RAD51: variants seen among roughly 807,000 people sequenced by gnomAD.
RAD51 encodes the protein RAD51 recombinase, also known as DNA repair protein RAD51 homolog 1.
In RAD51, 14 loss-of-function variants were observed where a neutral mutation model predicts 41.5. The observed-to-expected ratio is 0.34, with a 90% CI of 0.22 to 0.53. The LOEUF (loss-of-function observed/expected upper bound fraction) is 0.53, where lower values mean the gene tolerates loss of function less well. RAD51 is among the 20% of genes least tolerant of loss of function. The probability of loss-of-function intolerance (pLI) is 0.95; values close to 1 mark genes in which losing one functional copy is unlikely to be tolerated. For synonymous variants in RAD51, 136 were observed against 148.6 expected (o/e 0.92, Z 0.62); for missense variants, 234 against 422.0 (o/e 0.55, Z 3.90).
intron 5 of RAD51, among the ~76,000 whole-genome samples, chr15:40,709,665 G>T (rs759311015): frequency 1.3e-5 from 2 of 152,002 alleles, no homozygotes; most frequent in Non-Finnish European, 2.9e-5. Context: ...AAGCCACTGC[G>T]CCCAGCCCTC....
chr15:40,706,403 G>A (rs1895340521), intron 4 of RAD51, 109 bp downstream of exon 4: 1 of 984,650 alleles, frequency 1.0e-6, no homozygotes, highest in Non-Finnish European at 1.6e-6. Flanking sequence ...TAATGATAAA[G>A]AGATAGAGGA....
intron 2 of RAD51, 125 bp downstream of exon 2, chr15:40,698,970 A>T: frequency 1.1e-6 from 1 of 897,674 alleles, no homozygotes; most frequent in Non-Finnish European, 1.8e-6. Flanking sequence ...GACTTTTCAG[A>T]AGTGTTGTCA....
At chr15:40,730,974 A>T (rs1896850113) in intron 9 of RAD51, 81 bp from the exon 10 acceptor site, 2 of 1,584,042 alleles carry the variant, frequency 1.3e-6, no homozygotes, top group African/African-American at 1.4e-5. Flanking sequence ...TGTCTAAAAA[A>T]TTTTCAGCTC....
intron 7 of RAD51, 130 bp from the exon 8 acceptor site, chr15:40,729,375 A>G: frequency 3.8e-6 from 1 of 265,624 alleles, no homozygotes; most frequent in Non-Finnish European, 5.0e-6. Flanking sequence ...TCCATCTCAA[A>G]AAAAAAAAAA....
intron 6 of RAD51, among the ~76,000 whole-genome samples, chr15:40,725,435 C>T (rs777691343): frequency 1.3e-5 from 2 of 152,214 alleles, no homozygotes; most frequent in East Asian, 3.8e-4. Context: ...GAGAATGTCA[C>T]AAGGCCTCCT....
chr15:40,700,841 G>A (rs1037077642), intron 2 of RAD51, among the ~76,000 whole-genome samples: 2 of 152,112 alleles, frequency 1.3e-5, no homozygotes, highest in Non-Finnish European at 2.9e-5. Context: ...TTATATGCAG[G>A]TAATACGCCA....
intron 2 of RAD51, among the ~76,000 whole-genome samples, chr15:40,700,740 C>A (rs1299743097): frequency 6.6e-6 from 1 of 152,014 alleles, no homozygotes; most frequent in South Asian, 2.1e-4. Flanking sequence ...TCTGTATCTC[C>A]GGATTCTGTA....
intron 6 of RAD51, among the ~76,000 whole-genome samples, chr15:40,720,404 C>T (rs2141861026): frequency 6.6e-6 from 1 of 152,114 alleles, no homozygotes; most frequent in South Asian, 2.1e-4. Flanking sequence ...ATTCTGAATG[C>T]TTTTCCCCCT....
Position 40,729,501 on chromosome 15 carries a change from G to C in RAD51, c.645-4G>C. On this transcript the variant is annotated splice_polypyrimidine_tract_variant and splice_region_variant and intron_variant, in intron 7 of 9. Coordinates refer to ENST00000267868, the MANE Select transcript of RAD51 (RefSeq NM_002875.5). ...AGGCTTCAGAGAATCCTTGTTTCCTGTAGGTATGCACTGCTTATTGTAGAC... is the reference window on the plus strand; with the variant it reads ...AGGCTTCAGAGAATCCTTGTTTCCTCTAGGTATGCACTGCTTATTGTAGAC... 6.2e-7 allele frequency: 1 copy of C among 1,611,928 alleles called. No individual in the cohort carries two copies. The highest frequency in any genetic ancestry group is 8.5e-7 in the Non-Finnish European group (1 of 1,178,768).
chr15:40,709,571 A>C (rs1870724792), intron 5 of RAD51, among the ~76,000 whole-genome samples: 1 of 151,812 alleles, frequency 6.6e-6, no homozygotes, highest in Non-Finnish European at 1.5e-5. Context: ...AGGGGGTTTC[A>C]CCATGTTGGC....
chr15:40,724,516 GT>G (rs1305908085), intron 6 of RAD51, among the ~76,000 whole-genome samples: 3 of 151,806 alleles, frequency 2.0e-5, no homozygotes, highest in African/African-American at 7.3e-5. Flanking sequence ...TTTGTTGTTT[GT>G]TTTTTTAGAG....
chr15:40,703,137 T>C (rs4924496), intron 3 of RAD51, among the ~76,000 whole-genome samples: 94,523 of 152,108 alleles, frequency 0.62, 29,941 homozygotes, highest in East Asian at 0.93. Context: ...AGTTTATCTT[T>C]CTGATTAAGT....
intron 6 of RAD51, among the ~76,000 whole-genome samples, chr15:40,726,274 A>G (rs1236316522): frequency 7.5e-6 from 1 of 133,350 alleles, no homozygotes; most frequent in African/African-American, 2.8e-5. Context: ...ACGGAGTTTC[A>G]CTCTTGTCTC....
chr15:40,716,928 C>T lies in RAD51; in HGVS notation c.436-1877C>T, dbSNP rs559051940. Among the ~76,000 whole-genome samples the T allele has an allele frequency of 2.0e-5, 3 of 152,214 alleles. No individual in the cohort carries two copies. In the East Asian group the frequency reaches 5.8e-4, roughly 29 times the overall value. ...CCACCTGCTTCGGCCTCCCAAAGTG[C>T]TGGGATTACAGGCGTTAGCCACTGC... On this transcript the variant is annotated intron_variant, in intron 5 of 9. Coordinates refer to ENST00000267868, the MANE Select transcript of RAD51 (RefSeq NM_002875.5).
At chr15:40,716,097 A>G (rs1321937385) in intron 5 of RAD51, among the ~76,000 whole-genome samples, 2 of 152,212 alleles carry the variant, frequency 1.3e-5, no homozygotes, top group Non-Finnish European at 2.9e-5. Context: ...TGTATACACT[A>G]AAGTCAGTGC....
At chr15:40,721,732 C>G (rs1896281316) in intron 6 of RAD51, among the ~76,000 whole-genome samples, 1 of 152,116 alleles carries the variant, frequency 6.6e-6, no homozygotes, top group African/African-American at 2.4e-5. Flanking sequence ...ACTTTAGACC[C>G]TTACTATATA....
Position 40,731,370 on chromosome 15 carries a change from A to T in RAD51, c.*192A>T, listed in dbSNP as rs1334782378. The T allele has an allele frequency of 2.3e-4, 152 of 673,068 alleles. No individual in the cohort carries two copies. Among genetic ancestry groups the T allele is most frequent in the Non-Finnish European group, 6.2e-5 (25 of 401,480 alleles). The allele number at this position is 673,068 out of a possible 1,614,324, so 41.7% of individuals were successfully genotyped here. A position where few individuals can be genotyped will look rare whatever the true frequency, so the allele number is the denominator to read the frequency against. Reference sequence around the variant, plus strand: ...GTCAGTAGTCACAAACTGATCTAAAATGTTTATTCCTTCTGTAGTGTATTA... The same window carrying T: ...GTCAGTAGTCACAAACTGATCTAAATTGTTTATTCCTTCTGTAGTGTATTA... On this transcript the variant is annotated 3_prime_UTR_variant, in exon 10 of 10. Transcript: ENST00000267868.
At chr15:40,696,665 A>G (rs963513212) in intron 1 of RAD51, among the ~76,000 whole-genome samples, 2 of 152,340 alleles carry the variant, frequency 1.3e-5, no homozygotes, top group East Asian at 3.9e-4. Flanking sequence ...TAACTGCTAT[A>G]CTGGTTTCTA....
intron 7 of RAD51, 151 bp downstream of exon 7, chr15:40,728,975 G>T: frequency 4.2e-6 from 3 of 722,012 alleles, no homozygotes; most frequent in Non-Finnish European, 7.1e-6. Flanking sequence ...TTGTAGTTTA[G>T]GTCAAGTCAC....
Sources: gnomAD v4.1 joint callset for allele counts (sites outside exome capture counted in the v4.1 genomes callset) on GRCh38, gnomAD v4.1.1 for gene constraint, MANE v1.5 for transcripts, NCBI Gene and HGNC (gene_info 2026-07-23, HGNC 2026-07-21) for gene names.